Variants in SERPINI2 observed in about 807,000 individuals in gnomAD.
The protein encoded by SERPINI2 is serpin I2.
Under a neutral mutation model 47.3 loss-of-function variants are expected in SERPINI2, and 48 were observed. The ratio of observed to expected loss-of-function variants is 1.02; its 90% confidence interval spans 0.81 to 1.29. SERPINI2 has a LOEUF of 1.29. Among genes scored for constraint, SERPINI2 ranks in the 50% most tolerant of loss-of-function variants. The pLI is 0.00. For synonymous variants in SERPINI2, 135 were observed against 149.3 expected, an observed-to-expected ratio of 0.90 and a Z score of 0.70; for missense variants, 448 against 456.9, an observed-to-expected ratio of 0.98 and a Z score of 0.18.
intron 5 of SERPINI2, among the ~76,000 whole-genome samples, chr3:167,457,535 A>G (rs1013957977): frequency 1.3e-5 from 2 of 152,180 alleles, no homozygotes; most frequent in Non-Finnish European, 2.9e-5. Flanking sequence ...TTAATGTCCG[A>G]GTTGTTGCAG....
At chr3:167,442,658 C>T (rs947614698) in intron 8 of SERPINI2, among the ~76,000 whole-genome samples, 1 of 152,128 alleles carries the variant, frequency 6.6e-6, no homozygotes, top group African/African-American at 2.4e-5. Context: ...GCTTACTTTA[C>T]CTCCAATGAC....
In SERPINI2 at chr3:167,459,231, T is replaced by C. The variant is rs372461457; in HGVS notation, c.866+5975A>G. On this transcript the variant is annotated intron_variant, in intron 5 of 8. Coordinates refer to ENST00000264677, the Ensembl canonical transcript of SERPINI2. ...CTGGGACTACAGGCGCCCGCCACTA[T>C]GCCCGGCTAATTTTTTGTATTTTTA... Among the ~76,000 whole-genome samples the C allele has an allele frequency of 9.8e-3, 1,496 of 151,884 alleles. 26 individuals carry two copies. Among genetic ancestry groups the C allele is most frequent in the African/African-American group, 0.034 (1,418 of 41,410 alleles).
At chr3:167,460,700 G>A (rs1002828610) in intron 5 of SERPINI2, among the ~76,000 whole-genome samples, 1 of 152,162 alleles carries the variant, frequency 6.6e-6, no homozygotes, top group African/African-American at 2.4e-5. Flanking sequence ...GATGCTATAT[G>A]TATGGAAAGG....
intron 5 of SERPINI2, among the ~76,000 whole-genome samples, chr3:167,458,376 G>A (rs1301084881): frequency 6.8e-6 from 1 of 147,156 alleles, no homozygotes; most frequent in Non-Finnish European, 1.5e-5. Context: ...TCAGCCTCCC[G>A]AGTAGCTGGG....
chr3:167,445,638 A>C (rs1367585031), intron 8 of SERPINI2, among the ~76,000 whole-genome samples: 2 of 152,198 alleles, frequency 1.3e-5, no homozygotes, highest in African/African-American at 2.4e-5. Context: ...AGTAAAATAT[A>C]ATTTCTACTA....
chr3:167,442,199 A>G lies in SERPINI2; in HGVS notation c.1142-14T>C. 3.8e-6 allele frequency: 6 copies of G among 1,561,342 alleles called. No homozygotes were observed. Among genetic ancestry groups the G allele is most frequent in the South Asian group, 1.2e-5 (1 of 81,970 alleles). Reference sequence around the variant, plus strand: ...ACAGAATTGATTCTAGGGAAAAAAAAACAAAAAAATATACTTTAGGAATTT... The same window carrying G: ...ACAGAATTGATTCTAGGGAAAAAAAGACAAAAAAATATACTTTAGGAATTT... On this transcript the variant is annotated splice_polypyrimidine_tract_variant and intron_variant, in intron 8 of 8. Transcript: ENST00000264677.
intron 8 of SERPINI2, among the ~76,000 whole-genome samples, chr3:167,445,616 A>C (rs889802941): frequency 6.6e-6 from 1 of 152,224 alleles, no homozygotes; most frequent in Admixed American, 6.5e-5. Context: ...TATTGGCCTG[A>C]ATACAGAGAT....
chr3:167,467,064 T>G, exon 3 of SERPINI2: 1 of 1,599,620 alleles, frequency 6.3e-7, no homozygotes, highest in Non-Finnish European at 8.5e-7. Context: ...CCATCTGTTT[T>G]TCTTTCTACC....
chr3:167,471,486 C>A, intron 2 of SERPINI2, 102 bp downstream of exon 2: 1 of 1,177,348 alleles, frequency 8.5e-7, no homozygotes, highest in Non-Finnish European at 1.2e-6. Flanking sequence ...CTTTTCATTA[C>A]ATTTTCACTT....
At chr3:167,475,944 C>T (rs765505875), upstream of SERPINI2, among the ~76,000 whole-genome samples, 79 of 151,760 alleles carry the variant, frequency 5.2e-4, 1 homozygote, top group Admixed American at 5.9e-4. Flanking sequence ...CAAATGCCCT[C>T]ATCAGTAAAG....
chr3:167,458,186 C>CTGA (rs10662236), intron 5 of SERPINI2, among the ~76,000 whole-genome samples: 81,953 of 149,878 alleles, frequency 0.55, 23,055 homozygotes, highest in African/African-American at 0.7. Flanking sequence ...CTAATGCTTA[C>CTGA]TTATACGATT....
intron 6 of SERPINI2, 28 bp downstream of exon 6, chr3:167,452,908 A>G (rs372401843): frequency 1.5e-5 from 21 of 1,393,100 alleles, no homozygotes; most frequent in Non-Finnish European, 2.1e-5. Context: ...AATTAACATC[A>G]TAATATAAGA....
At chr3:167,471,967 T>G (rs1252666284) in intron 1 of SERPINI2, 123 bp from the exon 2 acceptor site, 5 of 647,892 alleles carry the variant, frequency 7.7e-6, no homozygotes, top group Non-Finnish European at 1.3e-5. Context: ...ACAAGTGAAC[T>G]CTATCCAATT....
chr3:167,447,060 C>T (rs1434704791), intron 7 of SERPINI2: 1 of 151,962 alleles, frequency 6.6e-6, no homozygotes, highest in Non-Finnish European at 1.5e-5. Flanking sequence ...TATTATGTTG[C>T]TCCATTACAG....
chr3:167,466,275 C>A (rs535945062), intron 3 of SERPINI2, among the ~76,000 whole-genome samples: 158 of 152,238 alleles, frequency 1.0e-3, no homozygotes, highest in Non-Finnish European at 1.9e-3. Context: ...ACATGGCTCA[C>A]CACGCTTATC....
At chr3:167,459,524 C>G (rs1021825129) in intron 5 of SERPINI2, among the ~76,000 whole-genome samples, 1 of 151,692 alleles carries the variant, frequency 6.6e-6, no homozygotes, top group Non-Finnish European at 1.5e-5. Flanking sequence ...GGGAAGCACT[C>G]GAGTATTTTG....
rs1460651974 is a variant in SERPINI2 at position 167,465,230 on chromosome 3, T to C, written c.842A>G (p.Glu281Gly). Residue 281 changes from glutamate (E) to glycine (G), a missense_variant, in exon 5 of 9, where the codon GAG becomes GGG. Glu to Gly is a moderately conservative substitution (Grantham distance 98). Coordinates refer to ENST00000264677, the Ensembl canonical transcript of SERPINI2. ...CCTAGGGAGGCTTATTTCTACTTCC[T>C]CTTCTTGCATCTCAGAGAGCCATTT... is the stretch of plus-strand genomic sequence containing the variant. 4 of 1,610,640 alleles carry C rather than the reference T, an allele frequency of 2.5e-6. No individual in the cohort carries two copies. The highest frequency in any genetic ancestry group is 1.7e-5 in the Admixed American group (1 of 59,198).
chr3:167,466,052 T>C (rs1233044935), intron 3 of SERPINI2, among the ~76,000 whole-genome samples: 1 of 152,196 alleles, frequency 6.6e-6, no homozygotes, highest in Non-Finnish European at 1.5e-5. Flanking sequence ...TCATCATAAG[T>C]AAGTTAATGG....
intron 6 of SERPINI2, among the ~76,000 whole-genome samples, chr3:167,451,538 G>A (rs6767856): frequency 0.6 from 91,737 of 152,072 alleles, 29,784 homozygotes; most frequent in African/African-American, 0.87. Context: ...GCAATAAGAC[G>A]GAACCAAAAT....
Sources: allele counts gnomAD v4.1 joint callset (sites outside exome capture counted in the v4.1 genomes callset), GRCh38; gene constraint gnomAD v4.1.1; transcripts MANE v1.5; gene names NCBI Gene and HGNC (gene_info 2026-07-23, HGNC 2026-07-21).